The following FAM149A variants were observed in gnomAD, a reference collection of about 807,000 sequenced individuals.
The protein encoded by FAM149A is protein FAM149A.
Under a neutral mutation model 78.2 loss-of-function variants are expected in FAM149A, and 71 were observed. That is an observed-to-expected ratio of 0.91 (90% CI 0.75 to 1.11). The LOEUF is 1.11. Ranked by LOEUF, FAM149A falls within the 50% of genes least tolerant of loss-of-function variation. The pLI, the probability that FAM149A is intolerant of heterozygous loss-of-function variation, is 0.00. For missense variants in FAM149A, 1,036 were observed against 971.0 expected, an observed-to-expected ratio of 1.07 and a Z score of -0.89; for synonymous variants, 446 against 410.5, an observed-to-expected ratio of 1.09 and a Z score of -1.04.
Position 186,144,924 on chromosome 4 carries a change from GGCGGGCGCGGGCGCGGGC to G in FAM149A, c.567-4229_567-4212del, listed in dbSNP as rs749317405. 0.48 allele frequency: 461,470 copies of G among 969,138 alleles called. 110,549 individuals are homozygous for G. The highest frequency in any genetic ancestry group is 0.53 in the East Asian group (4,280 of 8,050). The allele number at this position is 969,138 out of a possible 1,614,324, so 60.0% of individuals were successfully genotyped here. On this transcript the variant is annotated intron_variant, in intron 1 of 13. Transcript: ENST00000389354. The surrounding 1 kb of genome is among the most constrained non-coding windows in gnomAD (Gnocchi z 4.2). ...GCCGCCTGAGCTGGGCCAGCCGCGC[GGCGGGCGCGGGCGCGGGC>G]GCGGGCGCGGGCGCGGGCGGGTGGG...
chr4:186,157,989 T>C, intron 8 of FAM149A: 4 of 1,494,722 alleles, frequency 2.7e-6, no homozygotes, highest in Non-Finnish European at 3.6e-6. Context: ...CACCCTTGGC[T>C]TCCAGATGGA....
intron 1 of FAM149A, chr4:186,110,196 CA>C: frequency 2.0e-6 from 2 of 985,188 alleles, no homozygotes; most frequent in Non-Finnish European, 2.4e-6. Context: ...TCATATAATC[CA>C]CTGTCATGGG....
intron 1 of FAM149A, chr4:186,117,392 A>G (rs1715052): frequency 0.87 from 850,712 of 972,420 alleles, 372,368 homozygotes; most frequent in East Asian, 0.99. Context: ...AAAGCAGGAA[A>G]AATAAGATAA....
chr4:186,167,096 G>C lies in FAM149A; in HGVS notation c.2139G>C (p.Arg713=). The C allele has an allele frequency of 6.2e-7, 1 of 1,611,964 alleles. No individual in the cohort carries two copies. The highest frequency in any genetic ancestry group is 1.1e-5 in the South Asian group (1 of 90,906). ...GGCCCAGCACAACCCACACGTTCCGGGTGGGTTCTCTGTTTCCTGTAACTT... is the reference window on the plus strand; with the variant it reads ...GGCCCAGCACAACCCACACGTTCCGCGTGGGTTCTCTGTTTCCTGTAACTT... The change falls in exon 12 of 14, where the codon CGG becomes CGC. Residue 713 remains arginine, a splice_region_variant and synonymous_variant. Transcript: ENST00000389354.
intron 1 of FAM149A, among the ~76,000 whole-genome samples, chr4:186,147,339 C>CGGG (rs1579868707): frequency 6.6e-6 from 1 of 152,272 alleles, no homozygotes; most frequent in East Asian, 1.9e-4. Flanking sequence ...AGCTGTGATC[C>CGGG]TGCCACTGCA....
At chr4:186,135,164 A>G (rs1422123301) in intron 1 of FAM149A, among the ~76,000 whole-genome samples, 1 of 152,212 alleles carries the variant, frequency 6.6e-6, no homozygotes, top group Non-Finnish European at 1.5e-5. Flanking sequence ...AGAACCACTG[A>G]ATTCAATTCT....
At chr4:186,153,458 TCAGTGGAAGAA>T in intron 4 of FAM149A, 176 bp from the exon 5 acceptor site, 5 of 985,274 alleles carry the variant, frequency 5.1e-6, no homozygotes, top group Non-Finnish European at 6.0e-6. Flanking sequence ...TGAGACTGAG[TCAGTGGAAGAA>T]CAGTCTGGCC....
In FAM149A at chr4:186,169,330, C is replaced by T. The variant is rs1165187894; in HGVS notation, c.2218+2068C>T. ...ACAGCCAAGGCCCCTGATCTCACGA[C>T]GTAGAGAGAACGCGGCTCAAAGGCG... On this transcript the variant is annotated intron_variant, in intron 13 of 13. Coordinates refer to ENST00000389354, the MANE Select transcript of FAM149A (RefSeq NM_001367768.3). 18 of 985,286 alleles carry T rather than the reference C, an allele frequency of 1.8e-5. No individual in the cohort carries two copies. The South Asian group carries it at 3.3e-4, about 18-fold the overall frequency. The allele number at this position is 985,286 out of a possible 1,614,324, so 61.0% of individuals were successfully genotyped here.
intron 1 of FAM149A, chr4:186,133,389 A>T (rs542636660): frequency 6.3e-6 from 1 of 159,444 alleles, no homozygotes; most frequent in African/African-American, 2.4e-5. Context: ...GGCAACCACC[A>T]TTCTGCTTTC....
chr4:186,150,942 G>T, intron 3 of FAM149A: 1 of 673,906 alleles, frequency 1.5e-6, no homozygotes, highest in Non-Finnish European at 1.8e-6. Flanking sequence ...GGCTGGTTTC[G>T]AACTCCTGAC....
intron 13 of FAM149A, 31 bp from the exon 14 acceptor site, chr4:186,171,883 A>G: frequency 6.3e-7 from 1 of 1,579,492 alleles, no homozygotes; most frequent in Non-Finnish European, 8.6e-7. Context: ...TAACATTTTA[A>G]TGAGAATTAC....
chr4:186,171,300 T>G (rs1735504656), intron 13 of FAM149A: 1 of 152,250 alleles, frequency 6.6e-6, no homozygotes, highest in East Asian at 1.9e-4. Context: ...TGAGCTCTTA[T>G]CAGGAACTCT....
intron 4 of FAM149A, chr4:186,153,145 G>C: frequency 2.2e-6 from 1 of 448,378 alleles, no homozygotes; most frequent in Non-Finnish European, 2.9e-6. Flanking sequence ...AAATTCGGGA[G>C]CTCACACTTA....
chr4:186,140,918 A>G (rs1017764837), intron 1 of FAM149A, among the ~76,000 whole-genome samples: 2 of 152,232 alleles, frequency 1.3e-5, no homozygotes, highest in African/African-American at 2.4e-5. Flanking sequence ...CTCATTGATT[A>G]TGGAGGCTGA....
chr4:186,136,570 T>C (rs954542405), intron 1 of FAM149A, among the ~76,000 whole-genome samples: 1 of 152,234 alleles, frequency 6.6e-6, no homozygotes, highest in Non-Finnish European at 1.5e-5. Flanking sequence ...TTTCTATAAT[T>C]TTCTATAAGC....
At position 186,153,781 on chromosome 4, in the gene FAM149A, A is replaced by G. The variant is rs1733804357; in HGVS notation, c.1058+11A>G. ...CAGCAACATCAGAGAGTATGTTCAG[A>G]TAAGTGACTCTCAAAAAGTATTGTT... On this transcript the variant is annotated intron_variant, in intron 5 of 13. Coordinates refer to ENST00000389354, the MANE Select transcript of FAM149A (RefSeq NM_001367768.3). 2 of 1,588,176 alleles carry G rather than the reference A, an allele frequency of 1.3e-6. No individual in the cohort carries two copies. The highest frequency in any genetic ancestry group is 2.3e-5 in the East Asian group (1 of 44,228).
chr4:186,129,744 A>G (rs923742070), intron 1 of FAM149A, among the ~76,000 whole-genome samples: 1 of 152,172 alleles, frequency 6.6e-6, no homozygotes, highest in Non-Finnish European at 1.5e-5. Flanking sequence ...TTAAGCTGCA[A>G]GCAACGACTC....
At chr4:186,107,129 A>G (rs1352737523) in intron 1 of FAM149A, among the ~76,000 whole-genome samples, 1 of 152,170 alleles carries the variant, frequency 6.6e-6, no homozygotes, top group Non-Finnish European at 1.5e-5. Flanking sequence ...GTTATTGGCA[A>G]CTGGTCCTTA....
In FAM149A at chr4:186,108,679, T is replaced by C. The variant is rs922454878; in HGVS notation, c.566+3037T>C. Among the ~76,000 whole-genome samples the C allele has an allele frequency of 3.3e-5, 5 of 152,126 alleles. No individual in the cohort carries two copies. The East Asian group carries it at 9.6e-4, about 29-fold the overall frequency. On this transcript the variant is annotated intron_variant, in intron 1 of 13. Transcript: ENST00000389354. Reference sequence around the variant, plus strand: ...TCTTCACCTCACTTTCCTGCATCCCTGGATACGTGATCCAACACCTTTGAT... The same window carrying C: ...TCTTCACCTCACTTTCCTGCATCCCCGGATACGTGATCCAACACCTTTGAT...
Sources: allele counts gnomAD v4.1 joint callset (sites outside exome capture counted in the v4.1 genomes callset), GRCh38; gene constraint gnomAD v4.1.1; non-coding constraint Gnocchi (gnomAD v3.1); transcripts MANE v1.5; gene names NCBI Gene and HGNC (gene_info 2026-07-23, HGNC 2026-07-21).